The following LIME1 variants were observed in gnomAD, a reference collection of about 807,000 sequenced individuals.
LIME1 encodes lck-interacting transmembrane adapter 1.
A neutral mutation model predicts 18.8 loss-of-function variants in LIME1; 23 were observed. That is an observed-to-expected ratio of 1.22 (90% confidence interval 0.88 to 1.73). The LOEUF (loss-of-function observed/expected upper bound fraction) is 1.73, where lower values mean the gene tolerates loss of function less well. Among genes scored for constraint, LIME1 ranks in the 40% most tolerant of loss-of-function variants. The pLI is 0.00. For synonymous variants in LIME1, 177 were observed against 182.3 expected (o/e 0.97, Z 0.23); for missense variants, 423 against 396.8 (o/e 1.07, Z -0.56).
chr20:63,738,673 A>C lies in LIME1; in HGVS notation c.661A>C (p.Lys221Gln). ...PGPTTDPLDP[K>Q]GQGAILALAG... is the part of the protein sequence containing the mutation. ...ACCCACCACAGACCCGCTGGACCCC[A>C]AGGGCCAGGGAGCGATTCTGGCCCT... The change falls in exon 6 of 6, where the codon AAG becomes CAG. Residue 221 changes from lysine (K) to glutamine (Q), a missense_variant. Coordinates refer to ENST00000309546, the MANE Select transcript of LIME1 (RefSeq NM_017806.4). 1 of 1,612,342 alleles carries C rather than the reference A, an allele frequency of 6.2e-7. No homozygotes were observed. The highest frequency in any genetic ancestry group is 1.3e-5 in the African/African-American group (1 of 75,044).
At chr20:63,735,811 G>A (rs2145710571), upstream of LIME1, 1 of 1,611,244 alleles carries the variant, frequency 6.2e-7, no homozygotes, top group Admixed American at 1.7e-5. Flanking sequence ...AGCTGCAGGA[G>A]AAGCTGGCAG....
In LIME1 at chr20:63,737,635, C is replaced by T; in HGVS notation, c.86C>T (p.Thr29Ile). 1 of 1,591,196 alleles carries T rather than the reference C, an allele frequency of 6.3e-7. No homozygotes were observed. Residue 29 changes from threonine to isoleucine, a missense_variant, in exon 2 of 6, where the codon ACA (threonine) becomes ATA (isoleucine). Thr to Ile is a moderately conservative substitution (Grantham distance 89, BLOSUM62 -1). Transcript: ENST00000309546. ...ALLLSLWALCTACRRPEDAVA... is the reference protein window; with the variant it reads ...ALLLSLWALCIACRRPEDAVA... ...CTCCTCTCGCTGTGGGCGCTGTGCA[C>T]AGCCTGCCGCAGGTAGGTCCCTCAG... is the stretch of plus-strand genomic sequence containing the variant.
upstream of LIME1, chr20:63,736,541 C>G: frequency 1.2e-6 from 1 of 864,192 alleles, no homozygotes; most frequent in Non-Finnish European, 1.4e-6. Context: ...TCGGGCGGGG[C>G]GCAGCAGGTG....
Position 63,738,175 on chromosome 20 carries a change from AC to A in LIME1, c.269-3del. The A allele has an allele frequency of 1.3e-6, 2 of 1,557,286 alleles. No individual in the cohort carries two copies. The highest frequency in any genetic ancestry group is 1.8e-5 in the Admixed American group (1 of 54,602). On this transcript the variant is annotated splice_polypyrimidine_tract_variant and splice_region_variant and intron_variant, in intron 4 of 5. Coordinates refer to ENST00000309546, the MANE Select transcript of LIME1 (RefSeq NM_017806.4). ...CCGGAGTGAACTCTGCCCTGACCCC[AC>A]CCCCAGCCCTGCGGCCTGCCAGCAT... is the stretch of plus-strand genomic sequence containing the variant.
At chr20:63,736,850 C>G (rs1407575746) in intron 1 of LIME1, 138 bp downstream of exon 1, 1 of 986,712 alleles carries the variant, frequency 1.0e-6, no homozygotes, top group African/African-American at 1.7e-5. Context: ...CCCCTCACCC[C>G]CCAGCTTCTG....
At chr20:63,737,799 G>GCCCCCCA in intron 2 of LIME1, 22 bp from the exon 3 acceptor site, 1 of 672,202 alleles carries the variant, frequency 1.5e-6, no homozygotes, top group Non-Finnish European at 2.1e-6. Context: ...CCCGCCCCCC[G>GCCCCCCA]CCCCCCACCT....
chr20:63,735,849 G>A (rs369758532), upstream of LIME1: 145 of 1,612,628 alleles, frequency 9.0e-5, no homozygotes, highest in Non-Finnish European at 1.1e-4. Flanking sequence ...GGGCAGCTCC[G>A]GGCTCAGGAA....
At chr20:63,736,019 G>A, upstream of LIME1, 1 of 1,508,062 alleles carries the variant, frequency 6.6e-7, no homozygotes, top group South Asian at 1.3e-5. Context: ...CTGGCCTGGG[G>A]CGTGCAGACA....
At chr20:63,737,502 A>G (rs1175861929) in intron 1 of LIME1, 31 bp from the exon 2 acceptor site, 1 of 1,440,978 alleles carries the variant, frequency 6.9e-7, no homozygotes, top group African/African-American at 1.5e-5. Context: ...CCCCTTGGCC[A>G]GCCCCCAGCG....
intron 1 of LIME1, 105 bp downstream of exon 1, chr20:63,736,817 C>G (rs536988437): frequency 5.5e-5 from 54 of 986,232 alleles, no homozygotes; most frequent in Non-Finnish European, 6.1e-5. Context: ...TCTGAGCAGA[C>G]TGGCCCCAAA....
At chr20:63,735,893 A>G, upstream of LIME1, 1 of 1,612,808 alleles carries the variant, frequency 6.2e-7, no homozygotes, top group Non-Finnish European at 8.5e-7. Context: ...GAAGGCAGAC[A>G]CCCACAAGAA....
chr20:63,737,878 G>C lies in LIME1; in HGVS notation c.156G>C (p.Gln52His), dbSNP rs541535547. Residue 52 changes from glutamine to histidine, a missense_variant, in exon 3 of 6, where the codon CAG becomes CAC. Gln to His is a conservative substitution (Grantham distance 24). Coordinates refer to ENST00000309546, the MANE Select transcript of LIME1 (RefSeq NM_017806.4). Reference sequence around the variant, plus strand: ...CGCGGAGGCAGCGGGCGAGGCTGCAGGGCAGTGCGACGGCGGCGGAAGCGG... The same window carrying C: ...CGCGGAGGCAGCGGGCGAGGCTGCACGGCAGTGCGACGGCGGCGGAAGCGG... Reference protein sequence around the residue: ...KRARRQRARLQGSATAAEASL... With the variant: ...KRARRQRARLHGSATAAEASL... The C allele has an allele frequency of 3.2e-6, 5 of 1,581,240 alleles. No individual in the cohort carries two copies. The African/African-American group carries it at 6.8e-5, about 22-fold the overall frequency.
In LIME1 at chr20:63,736,696, C is replaced by T. The variant is rs952220492; in HGVS notation, c.-34C>T. On this transcript the variant is annotated 5_prime_UTR_variant, in exon 1 of 6. Coordinates refer to ENST00000309546, the MANE Select transcript of LIME1 (RefSeq NM_017806.4). ...GCCTGCCCCAGACAGAGCTGAGGAC[C>T]CCTGGCCGTGGGCTTGGTAAGTGCC... 6 of 985,464 alleles carry T rather than the reference C, an allele frequency of 6.1e-6. No homozygotes were observed. Among genetic ancestry groups the T allele is most frequent in the African/African-American group, 1.7e-5 (1 of 57,186 alleles). 61.0% of individuals were successfully genotyped at this position (985,464 alleles called of 1,614,324 possible).
In LIME1 at chr20:63,738,953, G is replaced by A; in HGVS notation, c.*53G>A. 1 of 1,423,838 alleles carries A rather than the reference G, an allele frequency of 7.0e-7. No individual in the cohort carries two copies. The highest frequency in any genetic ancestry group is 9.3e-7 in the Non-Finnish European group (1 of 1,072,216). 88.2% of individuals were successfully genotyped at this position (1,423,838 alleles called of 1,614,324 possible). A position where few individuals can be genotyped will look rare whatever the true frequency, so the allele number is the denominator to read the frequency against. ...CAGAGTGAGGCCCGTCCCCCGCCCC[G>A]CCCCGCCTCACAGCTGACAGCGCCA... On this transcript the variant is annotated 3_prime_UTR_variant, in exon 6 of 6. Coordinates refer to ENST00000309546, the MANE Select transcript of LIME1 (RefSeq NM_017806.4).
chr20:63,737,993 C>G lies in LIME1; in HGVS notation c.201C>G (p.His67Gln). The G allele has an allele frequency of 1.3e-6, 2 of 1,570,482 alleles. No homozygotes were observed. Among genetic ancestry groups the G allele is most frequent in the Non-Finnish European group, 1.7e-6 (2 of 1,161,334 alleles). Residue 67 changes from histidine (H) to glutamine (Q), a missense_variant, in exon 4 of 6, where the codon CAC becomes CAG. His to Gln is a conservative substitution (Grantham distance 24). Coordinates refer to ENST00000309546, the MANE Select transcript of LIME1 (RefSeq NM_017806.4). ...AAEASLLRRTHLCSLSKSDTR... is the reference protein window; with the variant it reads ...AAEASLLRRTQLCSLSKSDTR... ...CCCAGTCCCTACTGAGGCGGACCCA[C>G]CTCTGCTCCCTCAGCAAGTCGGACA...
chr20:63,737,666 TTC>T lies in LIME1; in HGVS notation c.98+21_98+22del. 2 of 1,557,244 alleles carry T rather than the reference TTC, an allele frequency of 1.3e-6. No homozygotes were observed. Among genetic ancestry groups the T allele is most frequent in the South Asian group, 2.4e-5 (2 of 84,416 alleles). ...GCCGCAGGTAGGTCCCTCAGCCGCG[TTC>T]TGTCTGGGGCCTCGCTGCGGCTGCC... On this transcript the variant is annotated intron_variant, in intron 2 of 5. Transcript: ENST00000309546.
intron 5 of LIME1, 43 bp downstream of exon 5, chr20:63,738,542 A>G (rs1151624): frequency 0.76 from 1,149,925 of 1,507,556 alleles, 443,297 homozygotes; most frequent in African/African-American, 0.94. Flanking sequence ...GGGCCGGCAG[A>G]TCCTCAGCAG....
Position 63,738,773 on chromosome 20 carries a change from A to G in LIME1, c.761A>G (p.Tyr254Cys). Residue 254 changes from tyrosine (Y) to cysteine (C), a missense_variant, in exon 6 of 6, where the codon TAT becomes TGT. Physicochemically the swap from Tyr to Cys is radical, Grantham distance 194. Coordinates refer to ENST00000309546, the MANE Select transcript of LIME1 (RefSeq NM_017806.4). ...DVDSGPLENVYESIRELGDPA... is the reference protein window; with the variant it reads ...DVDSGPLENVCESIRELGDPA... ...GACAGCGGCCCCCTGGAAAACGTGTATGAGAGCATCCGGGAGCTGGGGGAC... is the reference window on the plus strand; with the variant it reads ...GACAGCGGCCCCCTGGAAAACGTGTGTGAGAGCATCCGGGAGCTGGGGGAC... 1 of 1,613,002 alleles carries G rather than the reference A, an allele frequency of 6.2e-7. No individual in the cohort carries two copies. The highest frequency in any genetic ancestry group is 8.5e-7 in the Non-Finnish European group (1 of 1,179,934).
chr20:63,735,735 G>A (rs1317495005), upstream of LIME1: 9 of 1,559,372 alleles, frequency 5.8e-6, no homozygotes, highest in Admixed American at 5.8e-5. Flanking sequence ...ACTGGGGTTG[G>A]TGGCATGGCC....
Sources: allele counts gnomAD v4.1 joint callset, GRCh38; gene constraint gnomAD v4.1.1; transcripts MANE v1.5; gene names NCBI Gene and HGNC (gene_info 2026-07-23, HGNC 2026-07-21).